The following SMOC2 variants were observed in gnomAD, a reference collection of about 807,000 sequenced individuals.
SMOC2 encodes the protein SPARC related modular calcium binding 2.
In SMOC2, 39 loss-of-function variants were observed where a neutral mutation model predicts 61.4. The observed-to-expected ratio is 0.64, with a 90% confidence interval of 0.49 to 0.83. SMOC2 has a LOEUF of 0.83. SMOC2 is among the 40% of genes least tolerant of loss of function. The pLI, the probability that SMOC2 is intolerant of heterozygous loss-of-function variation, is 0.00. For synonymous variants in SMOC2, 247 were observed against 239.9 expected (o/e 1.03, Z -0.27); for missense variants, 556 against 592.9 (o/e 0.94, Z 0.65).
intron 1 of SMOC2, among the ~76,000 whole-genome samples, chr6:168,490,196 C>T (rs1249691051): frequency 6.6e-6 from 1 of 151,198 alleles, no homozygotes; most frequent in Admixed American, 6.6e-5. Context: ...TTGTCTGGGT[C>T]CCCTTGGATC....
At chr6:168,479,242 C>T (rs1467434045) in intron 1 of SMOC2, among the ~76,000 whole-genome samples, 1 of 152,186 alleles carries the variant, frequency 6.6e-6, no homozygotes, top group African/African-American at 2.4e-5. Flanking sequence ...ATGATTCTGC[C>T]ATTGATCAGC....
chr6:168,660,301 T>C (rs1399023122), intron 11 of SMOC2, among the ~76,000 whole-genome samples: 2 of 152,168 alleles, frequency 1.3e-5, no homozygotes, highest in Non-Finnish European at 2.9e-5. Context: ...ACAACTGTTG[T>C]GAGCCGCATA....
intron 7 of SMOC2, 24 bp downstream of exon 7, chr6:168,549,227 T>C: frequency 1.2e-6 from 2 of 1,603,454 alleles, no homozygotes; most frequent in Non-Finnish European, 1.7e-6. Context: ...TGATGTCACT[T>C]TGTAAGGAGT....
intron 1 of SMOC2, among the ~76,000 whole-genome samples, chr6:168,447,328 G>A (rs1781353650): frequency 6.6e-6 from 1 of 152,130 alleles, no homozygotes; most frequent in South Asian, 2.1e-4. Context: ...ACTGTGGCTG[G>A]TCATCGATTT....
intron 7 of SMOC2, among the ~76,000 whole-genome samples, chr6:168,587,922 A>C (rs913544463): frequency 1.3e-5 from 2 of 150,394 alleles, no homozygotes; most frequent in Non-Finnish European, 3.0e-5. Flanking sequence ...AATCCCTTCC[A>C]CTGGGTGGCT....
At chr6:168,590,255 T>C in intron 7 of SMOC2, among the ~76,000 whole-genome samples, 1 of 50,902 alleles carries the variant, frequency 2.0e-5, no homozygotes, top group Non-Finnish European at 4.1e-5. Flanking sequence ...GCCGGTCTGG[T>C]GGTGGTCAGG....
At chr6:168,618,360 G>A (rs1393210295) in intron 9 of SMOC2, among the ~76,000 whole-genome samples, 1 of 152,038 alleles carries the variant, frequency 6.6e-6, no homozygotes, top group Non-Finnish European at 1.5e-5. Flanking sequence ...ATTAAGAGGA[G>A]AGTGGAGGAG....
chr6:168,617,744 G>T (rs1786131667), intron 9 of SMOC2, among the ~76,000 whole-genome samples: 1 of 152,182 alleles, frequency 6.6e-6, no homozygotes, highest in African/African-American at 2.4e-5. Context: ...CATCATCAGG[G>T]TCTCCTGGCT....
chr6:168,510,288 T>C (rs1366018198), intron 2 of SMOC2, among the ~76,000 whole-genome samples: 1 of 152,236 alleles, frequency 6.6e-6, no homozygotes, highest in Admixed American at 6.5e-5. Flanking sequence ...ATTCTTTTCT[T>C]AGAATGCCTT....
intron 2 of SMOC2, among the ~76,000 whole-genome samples, chr6:168,511,645 G>A (rs1783010885): frequency 6.6e-6 from 1 of 152,092 alleles, no homozygotes; most frequent in South Asian, 2.1e-4. Context: ...TGAAAACAAG[G>A]AACAGCATAA....
chr6:168,476,369 G>C (rs1222401751), intron 1 of SMOC2, among the ~76,000 whole-genome samples: 1 of 151,924 alleles, frequency 6.6e-6, no homozygotes, highest in Non-Finnish European at 1.5e-5. Context: ...TGGGTGTTTG[G>C]TGTATTTACT....
At chr6:168,467,410 G>A (rs1046068544) in intron 1 of SMOC2, among the ~76,000 whole-genome samples, 2 of 151,896 alleles carry the variant, frequency 1.3e-5, no homozygotes, top group East Asian at 1.9e-4. Flanking sequence ...GGTTTCAAGC[G>A]ATTCTCCTGC....
chr6:168,659,899 T>G (rs1428110884), intron 11 of SMOC2, among the ~76,000 whole-genome samples: 1 of 152,202 alleles, frequency 6.6e-6, no homozygotes. Flanking sequence ...AGGGTGGAGG[T>G]TGTAGGTTGG....
At position 168,441,268 on chromosome 6, in the gene SMOC2, C is replaced by T; in HGVS notation, c.-103C>T. On this transcript the variant is annotated 5_prime_UTR_variant, in exon 1 of 13. Coordinates refer to ENST00000356284, the MANE Select transcript of SMOC2 (RefSeq NM_001166412.2). ...GTGGGGAGAGCATCGCGGAGCCGCC[C>T]CTCCACGCGCCCGCCCAGCCGCGCT... The T allele has an allele frequency of 7.3e-7, 1 of 1,377,326 alleles. No homozygotes were observed. The highest frequency in any genetic ancestry group is 1.5e-5 in the African/African-American group (1 of 65,374). The allele number at this position is 1,377,326 out of a possible 1,614,324, so 85.3% of individuals were successfully genotyped here. A position where few individuals can be genotyped will look rare whatever the true frequency, so the allele number is the denominator to read the frequency against.
intron 7 of SMOC2, among the ~76,000 whole-genome samples, chr6:168,567,796 G>T (rs1270565139): frequency 6.6e-6 from 1 of 152,166 alleles, no homozygotes; most frequent in African/African-American, 2.4e-5. Context: ...TTAGAATTTA[G>T]TGCGTCTTCT....
intron 4 of SMOC2, among the ~76,000 whole-genome samples, chr6:168,531,438 C>T (rs73791059): frequency 3.3e-3 from 496 of 152,314 alleles, no homozygotes; most frequent in African/African-American, 0.011. Flanking sequence ...ATTTCTCTAG[C>T]GTCCTTCCCT....
intron 9 of SMOC2, among the ~76,000 whole-genome samples, chr6:168,636,947 CCCTCCTCTTT>C (rs138618044): frequency 1.9e-3 from 234 of 122,486 alleles, no homozygotes; most frequent in African/African-American, 7.1e-3. Context: ...CCTCCCTCTT[CCCTCCTCTTT>C]CCTCCCTCCT....
intron 11 of SMOC2, among the ~76,000 whole-genome samples, chr6:168,659,509 T>G (rs1583194187): frequency 2.6e-5 from 4 of 152,204 alleles, no homozygotes; most frequent in Non-Finnish European, 4.4e-5. Flanking sequence ...TTGGTGAGGG[T>G]GGAGGTTGTA....
intron 7 of SMOC2, among the ~76,000 whole-genome samples, chr6:168,558,913 ATG>A (rs374420682): frequency 1.0e-4 from 15 of 150,134 alleles, no homozygotes; most frequent in East Asian, 5.9e-4. Flanking sequence ...GCACGTGTGT[ATG>A]TGTGCTTGTG....
Sources: gnomAD v4.1 joint callset for allele counts (sites outside exome capture counted in the v4.1 genomes callset) on GRCh38, gnomAD v4.1.1 for gene constraint, MANE v1.5 for transcripts, NCBI Gene and HGNC (gene_info 2026-07-23, HGNC 2026-07-21) for gene names.